DLG2: variants seen among roughly 807,000 people sequenced by gnomAD.
The protein encoded by DLG2 is discs large MAGUK scaffold protein 2, also known as disks large homolog 2.
Under a neutral mutation model 132.5 loss-of-function variants are expected in DLG2, and 45 were observed. That is an observed-to-expected ratio of 0.34 (90% CI 0.27 to 0.44). The LOEUF (loss-of-function observed/expected upper bound fraction) is 0.44. Ranked by LOEUF, DLG2 falls within the 20% of genes least tolerant of loss-of-function variation. The pLI is 1.00. For synonymous variants in DLG2, 424 were observed against 419.6 expected (o/e 1.01, Z -0.13); for missense variants, 1,045 against 1,196.9 (o/e 0.87, Z 1.87).
chr11:84,512,318 C>A (rs989185856), intron 7 of DLG2, among the ~76,000 whole-genome samples: 15 of 152,132 alleles, frequency 9.9e-5, no homozygotes, highest in East Asian at 5.8e-4. Flanking sequence ...TAAATATTTA[C>A]CAAGAACTTC....
chr11:84,042,315 T>C (rs1319133088), intron 11 of DLG2, among the ~76,000 whole-genome samples: 1 of 151,866 alleles, frequency 6.6e-6, no homozygotes, highest in Admixed American at 6.6e-5. Flanking sequence ...ATTTTAGTTA[T>C]TAAAATTTTG....
At chr11:84,938,182 G>C (rs528459691) in intron 6 of DLG2, among the ~76,000 whole-genome samples, 135 of 152,246 alleles carry the variant, frequency 8.9e-4, no homozygotes, top group Admixed American at 1.5e-3. Context: ...ATCTCACCCA[G>C]AACTAATGAC....
At chr11:84,002,274 T>G (rs2220085) in intron 11 of DLG2, among the ~76,000 whole-genome samples, 149,752 of 152,314 alleles carry the variant, frequency 0.98, 73,622 homozygotes, top group East Asian at 1. Flanking sequence ...ATAGATAACT[T>G]CCCAAGACTG....
intron 7 of DLG2, among the ~76,000 whole-genome samples, chr11:84,474,251 T>C (rs888349209): frequency 6.6e-6 from 1 of 152,082 alleles, no homozygotes; most frequent in Non-Finnish European, 1.5e-5. Flanking sequence ...TGTTCCTTCA[T>C]TGCTGCAAGC....
intron 7 of DLG2, among the ~76,000 whole-genome samples, chr11:84,496,507 T>C (rs1435944630): frequency 6.6e-6 from 1 of 152,176 alleles, no homozygotes; most frequent in Non-Finnish European, 1.5e-5. Context: ...TGCCAGGCAC[T>C]GTACTAAATT....
intron 6 of DLG2, among the ~76,000 whole-genome samples, chr11:84,841,396 C>T (rs550713826): frequency 1.3e-5 from 2 of 151,972 alleles, no homozygotes; most frequent in African/African-American, 4.8e-5. Flanking sequence ...TTCCATGTTT[C>T]TATATATGCT....
chr11:83,955,700 T>C (rs1402813398), intron 14 of DLG2, among the ~76,000 whole-genome samples: 1 of 152,160 alleles, frequency 6.6e-6, no homozygotes, highest in Non-Finnish European at 1.5e-5. Context: ...CCTCCCTCAA[T>C]TGGAGTGGAC....
At chr11:85,067,805 G>A (rs573330508) in intron 6 of DLG2, among the ~76,000 whole-genome samples, 2 of 152,102 alleles carry the variant, frequency 1.3e-5, no homozygotes, top group East Asian at 3.9e-4. Flanking sequence ...ATTTTATGAG[G>A]CCAGCATCAT....
chr11:84,313,128 T>C (rs2098308544), intron 7 of DLG2, among the ~76,000 whole-genome samples: 1 of 149,398 alleles, frequency 6.7e-6, no homozygotes, highest in South Asian at 2.1e-4. Flanking sequence ...CTTTTTTTTC[T>C]TTTTTGAGAC....
At chr11:84,579,224 T>G (rs2099510755) in intron 6 of DLG2, among the ~76,000 whole-genome samples, 1 of 152,044 alleles carries the variant, frequency 6.6e-6, no homozygotes, top group African/African-American at 2.4e-5. Context: ...TGTGTGTGTC[T>G]TTCTTTTCTA....
chr11:84,762,572 C>T (rs1284220786), intron 6 of DLG2, among the ~76,000 whole-genome samples: 24 of 152,174 alleles, frequency 1.6e-4, no homozygotes, highest in Admixed American at 1.6e-3. Flanking sequence ...AATTTGACTA[C>T]AACAAGCATA....
At chr11:84,037,052 A>G (rs2625518) in intron 11 of DLG2, among the ~76,000 whole-genome samples, 120,070 of 152,032 alleles carry the variant, frequency 0.79, 47,692 homozygotes, top group Non-Finnish European at 0.85. Context: ...GTAGAAATAC[A>G]TATGACAGAT....
chr11:84,441,641 T>C (rs1171287896), intron 7 of DLG2, among the ~76,000 whole-genome samples: 2 of 152,212 alleles, frequency 1.3e-5, no homozygotes, highest in African/African-American at 2.4e-5. Context: ...TCATTAGTAC[T>C]TGTGTGACTG....
intron 7 of DLG2, among the ~76,000 whole-genome samples, chr11:84,292,115 T>C (rs564617830): frequency 9.9e-5 from 15 of 151,880 alleles, no homozygotes; most frequent in African/African-American, 1.9e-4. Flanking sequence ...CTAGGCGAGG[T>C]TGGGAAAAAG....
chr11:83,953,073 C>T (rs2085880562), intron 14 of DLG2, among the ~76,000 whole-genome samples: 1 of 152,122 alleles, frequency 6.6e-6, no homozygotes, highest in South Asian at 2.1e-4. Flanking sequence ...TATATTAATA[C>T]AATTACCTAG....
intron 4 of DLG2, among the ~76,000 whole-genome samples, chr11:85,271,520 T>C (rs1487491812): frequency 2.0e-5 from 3 of 152,134 alleles, no homozygotes; most frequent in Non-Finnish European, 2.9e-5. Context: ...CACCCACAGC[T>C]TGCACCGTGC....
intron 4 of DLG2, among the ~76,000 whole-genome samples, chr11:85,284,661 A>G (rs2078444629): frequency 6.6e-6 from 1 of 151,916 alleles, no homozygotes. Context: ...CCATAATTCT[A>G]TTTGTAAAAA....
intron 6 of DLG2, among the ~76,000 whole-genome samples, chr11:84,999,051 T>C (rs891033417): frequency 1.3e-5 from 2 of 151,994 alleles, no homozygotes; most frequent in South Asian, 2.1e-4. Context: ...GTCTACCATT[T>C]AGATCAGAAT....
At chr11:84,246,186 T>C (rs1028857309) in intron 8 of DLG2, among the ~76,000 whole-genome samples, 1 of 152,226 alleles carries the variant, frequency 6.6e-6, no homozygotes. Context: ...CTGTCAACCA[T>C]TGTCTGAAAA....
Sources: gnomAD v4.1 joint callset for allele counts (sites outside exome capture counted in the v4.1 genomes callset) on GRCh38, gnomAD v4.1.1 for gene constraint, MANE v1.5 for transcripts, NCBI Gene and HGNC (gene_info 2026-07-23, HGNC 2026-07-21) for gene names.